The following XKR9 variants were observed in gnomAD, a reference collection of about 807,000 sequenced individuals.
XKR9 encodes XK related 9.
Under a neutral mutation model 32.0 loss-of-function variants are expected in XKR9, and 32 were observed. The ratio of observed to expected loss-of-function variants is 1.00; its 90% CI spans 0.76 to 1.34. The LOEUF is 1.34. XKR9 is among the 40% of genes most tolerant of loss of function. The pLI, the probability that XKR9 is intolerant of heterozygous loss-of-function variation, is 0.00. For missense variants in XKR9, 546 were observed against 429.7 expected (o/e 1.27, Z -2.39); for synonymous variants, 168 against 143.4 (o/e 1.17, Z -1.22).
the XKR9 span, among the ~76,000 whole-genome samples, chr8:70,940,269 C>A: frequency 1.3e-5 from 2 of 152,064 alleles, no homozygotes; most frequent in African/African-American, 4.8e-5. Context: ...CGACAGGGAG[C>A]ATCATGCTCT....
the XKR9 span, among the ~76,000 whole-genome samples, chr8:71,050,284 TAG>T: frequency 7.4e-5 from 10 of 134,354 alleles, no homozygotes; most frequent in African/African-American, 2.8e-4. Flanking sequence ...GATATAGATA[TAG>T]ATATAGATAT....
intron 2 of XKR9, among the ~76,000 whole-genome samples, chr8:70,675,944 G>A (rs1818871238): frequency 6.6e-6 from 1 of 152,044 alleles, no homozygotes; most frequent in Non-Finnish European, 1.5e-5. Context: ...TATCTTTATA[G>A]CAAAACTTTA....
chr8:70,838,731 G>A, the XKR9 span, among the ~76,000 whole-genome samples: 1 of 152,120 alleles, frequency 6.6e-6, no homozygotes, highest in African/African-American at 2.4e-5. Context: ...AGGTCACAGA[G>A]TTAGCAAGTA....
intron 3 of XKR9, 35 bp downstream of exon 3, chr8:70,681,365 T>A (rs1819077140): frequency 6.4e-7 from 1 of 1,571,258 alleles, no homozygotes; most frequent in South Asian, 1.2e-5. Flanking sequence ...CCACTGTTTT[T>A]CTTTTTCCAA....
At chr8:70,713,231 A>T (rs953837520) in intron 4 of XKR9, among the ~76,000 whole-genome samples, 2 of 152,182 alleles carry the variant, frequency 1.3e-5, no homozygotes, top group Admixed American at 6.6e-5. Flanking sequence ...AATTATCTAG[A>T]TTGTAGTTTA....
the XKR9 span, among the ~76,000 whole-genome samples, chr8:70,966,435 A>G: frequency 2.0e-5 from 3 of 152,068 alleles, no homozygotes; most frequent in African/African-American, 7.2e-5. Flanking sequence ...TTGTATTTTT[A>G]GTATAGACTT....
the XKR9 span, among the ~76,000 whole-genome samples, chr8:70,872,668 C>CT: frequency 4.6e-4 from 70 of 150,942 alleles, 1 homozygote; most frequent in South Asian, 8.9e-3. Flanking sequence ...CAGCTGGTGG[C>CT]TTTTTTTTTC....
At chr8:70,802,860 C>T in the XKR9 span, among the ~76,000 whole-genome samples, 3 of 152,178 alleles carry the variant, frequency 2.0e-5, no homozygotes, top group Non-Finnish European at 4.4e-5. Flanking sequence ...GCAGCCTGCC[C>T]CTTCTTCCTA....
chr8:70,720,530 G>T (rs1488198025), intron 4 of XKR9, among the ~76,000 whole-genome samples: 5 of 152,124 alleles, frequency 3.3e-5, no homozygotes, highest in Non-Finnish European at 5.9e-5. Flanking sequence ...TTGTATTGAA[G>T]GCCTTTTCTG....
the XKR9 span, among the ~76,000 whole-genome samples, chr8:70,897,874 A>AT: frequency 6.6e-6 from 1 of 152,112 alleles, no homozygotes; most frequent in East Asian, 1.9e-4. Flanking sequence ...TTTTAACTTG[A>AT]TGTGATACCA....
the XKR9 span, among the ~76,000 whole-genome samples, chr8:71,023,084 A>G: frequency 1.3e-5 from 2 of 151,920 alleles, no homozygotes; most frequent in Non-Finnish European, 2.9e-5. Context: ...GAATTCTTAA[A>G]TTCTTTTTCA....
chr8:70,742,739 C>T (rs760220554), intron 2 of XKR9, among the ~76,000 whole-genome samples: 17 of 151,956 alleles, frequency 1.1e-4, no homozygotes, highest in Non-Finnish European at 1.9e-4. Flanking sequence ...ATTGTCTGGT[C>T]TCCATTGTTT....
chr8:70,873,730 A>C, the XKR9 span, among the ~76,000 whole-genome samples: 1 of 152,212 alleles, frequency 6.6e-6, no homozygotes, highest in Non-Finnish European at 1.5e-5. Context: ...ATTGAAATGA[A>C]AACAAAGGAT....
At chr8:70,743,154 G>T (rs115050750) in intron 2 of XKR9, among the ~76,000 whole-genome samples, 12 of 151,674 alleles carry the variant, frequency 7.9e-5, no homozygotes, top group African/African-American at 2.9e-4. Context: ...GACATTTCCC[G>T]TATCTTCAAT....
chr8:70,680,417 A>G (rs1819034542), intron 2 of XKR9, among the ~76,000 whole-genome samples: 1 of 152,144 alleles, frequency 6.6e-6, no homozygotes, highest in Non-Finnish European at 1.5e-5. Flanking sequence ...GAATTTTTAC[A>G]ACTATTGCAC....
At chr8:70,914,378 G>A in the XKR9 span, among the ~76,000 whole-genome samples, 1 of 152,040 alleles carries the variant, frequency 6.6e-6, no homozygotes, top group Non-Finnish European at 1.5e-5. Context: ...GTGAATTTCA[G>A]TTGTTTTGTG....
At chr8:71,059,877 T>C in the XKR9 span, among the ~76,000 whole-genome samples, 1 of 152,222 alleles carries the variant, frequency 6.6e-6, no homozygotes, top group African/African-American at 2.4e-5. Flanking sequence ...AAATTTTCTT[T>C]GGGAGTTTTC....
the XKR9 span, among the ~76,000 whole-genome samples, chr8:70,898,213 G>A: frequency 1.4e-3 from 218 of 152,246 alleles, no homozygotes; most frequent in African/African-American, 5.1e-3. Flanking sequence ...TCAAAAATGA[G>A]TTCACTGTAA....
the XKR9 span, among the ~76,000 whole-genome samples, chr8:70,814,723 G>T: frequency 5.3e-5 from 8 of 152,244 alleles, no homozygotes; most frequent in South Asian, 2.1e-4. Flanking sequence ...GTTCAACATT[G>T]CTAGTACTGG....
Sources: allele counts gnomAD v4.1 joint callset (sites outside exome capture counted in the v4.1 genomes callset), GRCh38; gene constraint gnomAD v4.1.1; transcripts MANE v1.5; gene names NCBI Gene and HGNC (gene_info 2026-07-23, HGNC 2026-07-21).